Variants in STX17 observed in about 807,000 individuals in gnomAD.
The protein encoded by STX17 is syntaxin 17, also known as syntaxin-17.
A neutral mutation model predicts 35.9 loss-of-function variants in STX17; 29 were observed. That is an observed-to-expected ratio of 0.81 (90% CI 0.60 to 1.10). The LOEUF (loss-of-function observed/expected upper bound fraction) is 1.10, where lower values mean the gene tolerates loss of function less well. Among genes scored for constraint, STX17 ranks in the 50% least tolerant of loss-of-function variants. The pLI is 0.00. For synonymous variants in STX17, 92 were observed against 118.3 expected (o/e 0.78, Z 1.44); for missense variants, 312 against 352.3 (o/e 0.89, Z 0.92).
At chr9:99,926,036 A>T (rs958959400) in intron 2 of STX17, among the ~76,000 whole-genome samples, 8 of 151,518 alleles carry the variant, frequency 5.3e-5, no homozygotes, top group African/African-American at 1.7e-4. Context: ...TGTGTGTTTC[A>T]TTTTGGATAG....
intron 3 of STX17, among the ~76,000 whole-genome samples, chr9:99,946,023 C>T (rs558329657): frequency 6.6e-6 from 1 of 152,270 alleles, no homozygotes; most frequent in African/African-American, 2.4e-5. Context: ...GCGGAGGTTG[C>T]AGTGAGCCAA....
chr9:99,932,182 G>T (rs1163173466), intron 3 of STX17, among the ~76,000 whole-genome samples: 1 of 152,128 alleles, frequency 6.6e-6, no homozygotes, highest in Non-Finnish European at 1.5e-5. Context: ...AGAGTCAGTT[G>T]CTCCAAAGAA....
At chr9:99,955,164 A>G (rs1829683310) in intron 4 of STX17, among the ~76,000 whole-genome samples, 1 of 152,132 alleles carries the variant, frequency 6.6e-6, no homozygotes, top group South Asian at 2.1e-4. Flanking sequence ...CACACACTTC[A>G]GTAACACAAA....
At chr9:99,911,707 A>G (rs768124655) in intron 1 of STX17, among the ~76,000 whole-genome samples, 1 of 151,920 alleles carries the variant, frequency 6.6e-6, no homozygotes, top group Non-Finnish European at 1.5e-5. Context: ...CCTTGGTGTC[A>G]CTGGGACTAC....
intron 6 of STX17, among the ~76,000 whole-genome samples, chr9:99,963,206 G>A (rs1829860097): frequency 6.6e-6 from 1 of 152,146 alleles, no homozygotes; most frequent in African/African-American, 2.4e-5. Context: ...TACAATAAAT[G>A]TTAATAAATT....
intron 4 of STX17, among the ~76,000 whole-genome samples, chr9:99,958,899 G>A (rs537081444): frequency 1.3e-5 from 2 of 152,294 alleles, no homozygotes; most frequent in East Asian, 3.9e-4. Context: ...AGAAGTAGAA[G>A]CAATGGAGTC....
intron 3 of STX17, among the ~76,000 whole-genome samples, chr9:99,941,229 A>G (rs1829352830): frequency 6.6e-6 from 1 of 152,206 alleles, no homozygotes; most frequent in South Asian, 2.1e-4. Context: ...CATACCATAT[A>G]CCAGGGACCA....
At chr9:99,948,085 A>T (rs958070682) in intron 3 of STX17, among the ~76,000 whole-genome samples, 3 of 152,000 alleles carry the variant, frequency 2.0e-5, no homozygotes, top group African/African-American at 7.2e-5. Context: ...TATGTTCTTC[A>T]TATATGGTTT....
At chr9:99,907,594 T>C (rs1428335819) in intron 1 of STX17, among the ~76,000 whole-genome samples, 1 of 152,258 alleles carries the variant, frequency 6.6e-6, no homozygotes, top group East Asian at 1.9e-4. Flanking sequence ...GTGAATACGA[T>C]GGCAGTTCTT....
chr9:99,911,981 C>T (rs976018850), intron 1 of STX17, among the ~76,000 whole-genome samples: 11 of 152,212 alleles, frequency 7.2e-5, no homozygotes, highest in African/African-American at 2.7e-4. Context: ...AATCCCGGCA[C>T]TTTGGGAGGC....
chr9:99,946,035 A>G (rs1045696077), intron 3 of STX17, among the ~76,000 whole-genome samples: 2 of 152,216 alleles, frequency 1.3e-5, no homozygotes, highest in Admixed American at 1.3e-4. Context: ...GTGAGCCAAA[A>G]TCGTGCCACT....
At chr9:99,911,991 C>T (rs189917919) in intron 1 of STX17, among the ~76,000 whole-genome samples, 9 of 152,316 alleles carry the variant, frequency 5.9e-5, no homozygotes, top group African/African-American at 1.9e-4. Context: ...CTTTGGGAGG[C>T]CGAGGCAGGT....
At position 99,971,988 on chromosome 9, in the gene STX17, A is replaced by T. The variant is rs1444003858; in HGVS notation, c.*3315A>T. 6.6e-6 allele frequency among the ~76,000 whole-genome samples: 1 copy of T among 152,210 alleles called. No homozygotes were observed. Among genetic ancestry groups the T allele is most frequent in the African/African-American group, 2.4e-5 (1 of 41,450 alleles). On this transcript the variant is annotated 3_prime_UTR_variant, in exon 8 of 8. Coordinates refer to ENST00000259400, the MANE Select transcript of STX17 (RefSeq NM_017919.3). ...GTGACAGAACAAGACCCTCTCTCAAAAAAATATTTAAAAAAAGGTGGGTCA... is the reference window on the plus strand; with the variant it reads ...GTGACAGAACAAGACCCTCTCTCAATAAAATATTTAAAAAAAGGTGGGTCA...
intron 2 of STX17, among the ~76,000 whole-genome samples, chr9:99,923,593 G>A (rs1437319847): frequency 3.9e-5 from 6 of 152,114 alleles, no homozygotes; most frequent in Non-Finnish European, 8.8e-5. Context: ...ACAGACCCTA[G>A]CTTAGGTATC....
intron 2 of STX17, 85 bp from the exon 3 acceptor site, chr9:99,928,693 G>A (rs1829040325): frequency 1.8e-6 from 2 of 1,134,192 alleles, no homozygotes; most frequent in Non-Finnish European, 2.6e-6. Context: ...TTAAGTTTGG[G>A]TGGGTGAGTG....
intron 2 of STX17, among the ~76,000 whole-genome samples, chr9:99,927,740 G>A (rs912830122): frequency 6.6e-6 from 1 of 152,228 alleles, no homozygotes; most frequent in African/African-American, 2.4e-5. Context: ...GCCTCCCAAA[G>A]TGCTGGGATT....
intron 3 of STX17, among the ~76,000 whole-genome samples, chr9:99,931,744 G>A (rs917791441): frequency 4.0e-5 from 6 of 151,834 alleles, no homozygotes; most frequent in African/African-American, 9.7e-5. Flanking sequence ...TCTGATTTTC[G>A]CTCTGTTTTC....
rs1457404804 is a variant in STX17 at position 99,970,985 on chromosome 9, C to A, written c.*2312C>A. 6.6e-6 allele frequency among the ~76,000 whole-genome samples: 1 copy of A among 152,202 alleles called. No homozygotes were observed. Among genetic ancestry groups the A allele is most frequent in the Non-Finnish European group, 1.5e-5 (1 of 68,042 alleles). Reference sequence around the variant, plus strand: ...TGGAATATTACTCTAGCAGTCTTCACACATAGGCAAGTTACAGTCCTTTTA... The same window carrying A: ...TGGAATATTACTCTAGCAGTCTTCAAACATAGGCAAGTTACAGTCCTTTTA... On this transcript the variant is annotated 3_prime_UTR_variant, in exon 8 of 8. Coordinates refer to ENST00000259400, the MANE Select transcript of STX17 (RefSeq NM_017919.3).
chr9:99,959,280 C>T (rs184315430), intron 4 of STX17, among the ~76,000 whole-genome samples: 63 of 151,934 alleles, frequency 4.1e-4, no homozygotes, highest in African/African-American at 1.3e-3. Flanking sequence ...TCATGGCTTA[C>T]GCCTGTAATT....
Sources: gnomAD v4.1 joint callset for allele counts (sites outside exome capture counted in the v4.1 genomes callset) on GRCh38, gnomAD v4.1.1 for gene constraint, MANE v1.5 for transcripts, NCBI Gene and HGNC (gene_info 2026-07-23, HGNC 2026-07-21) for gene names.